Variants in SCAI observed in about 807,000 individuals in gnomAD.
SCAI encodes the protein protein SCAI.
SCAI carries 24 observed loss-of-function variants against 92.2 expected under a neutral mutation model. That is an observed-to-expected ratio of 0.26 (90% confidence interval 0.19 to 0.37). The LOEUF (loss-of-function observed/expected upper bound fraction) is 0.37, where lower values mean the gene tolerates loss of function less well. Ranked by LOEUF, SCAI falls within the 10% of genes least tolerant of loss-of-function variation. SCAI has a pLI of 1.00. For missense variants in SCAI, 450 were observed against 736.2 expected, an observed-to-expected ratio of 0.61 and a Z score of 4.50; for synonymous variants, 261 against 258.6, an observed-to-expected ratio of 1.01 and a Z score of -0.09.
chr9:125,093,564 C>T (rs1834486193), intron 2 of SCAI, among the ~76,000 whole-genome samples: 1 of 149,666 alleles, frequency 6.7e-6, no homozygotes, highest in South Asian at 2.1e-4. Flanking sequence ...CTGATGACAC[C>T]TCCTTTTTTT....
chr9:125,139,484 G>T (rs958053223), intron 2 of SCAI, among the ~76,000 whole-genome samples: 1 of 152,138 alleles, frequency 6.6e-6, no homozygotes, highest in African/African-American at 2.4e-5. Context: ...CATAAGTTCT[G>T]GGAATGGCAA....
At chr9:125,077,174 T>G (rs1327213055) in intron 2 of SCAI, among the ~76,000 whole-genome samples, 1 of 152,228 alleles carries the variant, frequency 6.6e-6, no homozygotes, top group Non-Finnish European at 1.5e-5. Flanking sequence ...CAATTCTGCT[T>G]TCCTACATTT....
At chr9:125,131,345 T>TTG (rs1835396968) in intron 2 of SCAI, among the ~76,000 whole-genome samples, 1 of 149,976 alleles carries the variant, frequency 6.7e-6, no homozygotes, top group Non-Finnish European at 1.5e-5. Context: ...GAGGCGGAGG[T>TTG]TGCAGTGAGC....
chr9:124,995,273 G>C (rs1386156549), intron 13 of SCAI, among the ~76,000 whole-genome samples: 2 of 151,856 alleles, frequency 1.3e-5, no homozygotes, highest in Non-Finnish European at 2.9e-5. Flanking sequence ...ATTTAAAGAT[G>C]ACTAAACACA....
At chr9:125,081,286 G>T (rs1301820847) in intron 2 of SCAI, among the ~76,000 whole-genome samples, 1 of 152,214 alleles carries the variant, frequency 6.6e-6, no homozygotes, top group Non-Finnish European at 1.5e-5. Flanking sequence ...GGAAAGTTTG[G>T]AACTCCATAG....
chr9:125,120,332 C>T (rs1214573413), intron 2 of SCAI, among the ~76,000 whole-genome samples: 1 of 152,156 alleles, frequency 6.6e-6, no homozygotes. Context: ...TGGAGTTTCT[C>T]CTCCCCATGA....
In SCAI at chr9:125,046,906, ATTGT is replaced by A. The variant is rs58716189; in HGVS notation, c.230+8966_230+8969del. ...ATAATAGAATATATTCATCTATTTTATTGTTTAATATTTTAGCATAGCATTTAAA... is the reference window on the plus strand; with the variant it reads ...ATAATAGAATATATTCATCTATTTTATTAATATTTTAGCATAGCATTTAAA... On this transcript the variant is annotated intron_variant, in intron 3 of 17. Coordinates refer to ENST00000336505, the MANE Select transcript of SCAI (RefSeq NM_001144877.3). Among the ~76,000 whole-genome samples, 470 of 152,020 alleles carry A rather than the reference ATTGT, an allele frequency of 3.1e-3. 4 individuals carry two copies. Among genetic ancestry groups the A allele is most frequent in the African/African-American group, 0.01 (435 of 41,496 alleles).
Position 125,084,163 on chromosome 9 carries a change from T to C in SCAI, c.99-28156A>G, listed in dbSNP as rs572310988. Among the ~76,000 whole-genome samples the C allele has an allele frequency of 8.9e-5, 7 of 78,598 alleles. No homozygotes were observed. In the South Asian group the frequency reaches 3.3e-3, roughly 37 times the overall value. The allele number at this position is 78,598 out of a possible 152,430, so 51.6% of individuals were successfully genotyped here. On this transcript the variant is annotated intron_variant, in intron 2 of 17. Transcript: ENST00000336505. Reference sequence around the variant, plus strand: ...AACAGGACTCTTGGCTGCTGCTTTTTTTTTTTTTTTTTTTTTTTTTTTTTT... The same window carrying C: ...AACAGGACTCTTGGCTGCTGCTTTTCTTTTTTTTTTTTTTTTTTTTTTTTT...
chr9:124,972,151 G>C (rs767401892), intron 15 of SCAI, among the ~76,000 whole-genome samples: 8 of 152,130 alleles, frequency 5.3e-5, no homozygotes, highest in Non-Finnish European at 8.8e-5. Flanking sequence ...TATCTTGATA[G>C]AATTCTCTGA....
At chr9:125,036,262 C>T (rs1027935054) in intron 3 of SCAI, among the ~76,000 whole-genome samples, 1 of 152,042 alleles carries the variant, frequency 6.6e-6, no homozygotes, top group African/African-American at 2.4e-5. Flanking sequence ...TTGAAAGAGG[C>T]CTGGCACAAA....
At chr9:125,058,563 A>T (rs1833715686) in intron 2 of SCAI, among the ~76,000 whole-genome samples, 1 of 152,206 alleles carries the variant, frequency 6.6e-6, no homozygotes, top group Non-Finnish European at 1.5e-5. Flanking sequence ...TTCTGAAGAC[A>T]TGGACATACA....
rs35807255 is a variant in SCAI, at chr9:125,140,690, C to CAAAA, written c.98+1939_98+1942dup. The stretch of plus-strand genomic sequence containing the variant: ...GCAACATGGCCAAACCTTGTCTCTA[C>CAAAA]AAAAAAAAAAAAAAAAAAAAGAGCT... On this transcript the variant is annotated intron_variant, in intron 2 of 17. Coordinates refer to ENST00000336505, the MANE Select transcript of SCAI (RefSeq NM_001144877.3). Among the ~76,000 whole-genome samples the CAAAA allele has an allele frequency of 1.2e-3, 94 of 76,192 alleles. 2 individuals are homozygous for CAAAA. The highest frequency in any genetic ancestry group is 1.6e-3 in the Non-Finnish European group (63 of 40,264). 50.0% of individuals were successfully genotyped at this position (76,192 alleles called of 152,430 possible).
intron 2 of SCAI, among the ~76,000 whole-genome samples, chr9:125,074,644 G>A (rs1834050835): frequency 6.6e-6 from 1 of 151,804 alleles, no homozygotes; most frequent in Non-Finnish European, 1.5e-5. Flanking sequence ...AGTTATGCTG[G>A]TTCCCAAATC....
At position 125,065,978 on chromosome 9, in the gene SCAI, C is replaced by CA. The variant is rs1160107586; in HGVS notation, c.99-9972dup. The CA allele has an allele frequency of 5.2e-6, 4 of 762,908 alleles. No individual in the cohort carries two copies. The African/African-American group carries it at 6.9e-5, about 13-fold the overall frequency. 47.3% of individuals were successfully genotyped at this position (762,908 alleles called of 1,614,324 possible). On this transcript the variant is annotated intron_variant, in intron 2 of 17. Coordinates refer to ENST00000336505, the MANE Select transcript of SCAI (RefSeq NM_001144877.3). ...AAGGATATGTATTTTAAAACTATAG[C>CA]AAAAATCATACTTTTCAGTGAAATG...
rs1290608662 is a variant in SCAI at position 125,019,088 on chromosome 9, T to C, written c.708+19A>G. The C allele has an allele frequency of 6.4e-7, 1 of 1,572,006 alleles. No individual in the cohort carries two copies. The highest frequency in any genetic ancestry group is 8.7e-7 in the Non-Finnish European group (1 of 1,150,814). On this transcript the variant is annotated intron_variant, in intron 8 of 17. Coordinates refer to ENST00000336505, the MANE Select transcript of SCAI (RefSeq NM_001144877.3). ...CATTTATTTATCAATAATTATGATTTTTCTTATCAAAAACTGACCTCAATG... is the reference window on the plus strand; with the variant it reads ...CATTTATTTATCAATAATTATGATTCTTCTTATCAAAAACTGACCTCAATG...
intron 2 of SCAI, among the ~76,000 whole-genome samples, chr9:125,118,504 C>T (rs118065233): frequency 0.011 from 1,481 of 135,164 alleles, 17 homozygotes; most frequent in Non-Finnish European, 0.018. Context: ...GAGACAGAGA[C>T]CCTGTCTCAA....
At chr9:125,122,922 A>T (rs1259050358) in intron 2 of SCAI, among the ~76,000 whole-genome samples, 2 of 152,198 alleles carry the variant, frequency 1.3e-5, no homozygotes. Context: ...TAAATAAATT[A>T]GTAAAATTTT....
intron 3 of SCAI, among the ~76,000 whole-genome samples, chr9:125,037,010 T>G (rs980024063): frequency 6.6e-6 from 1 of 152,130 alleles, no homozygotes; most frequent in African/African-American, 2.4e-5. Context: ...GGCTCACGCC[T>G]GTAATCCCAG....
chr9:125,014,047 TC>T (rs1303834392), intron 9 of SCAI, among the ~76,000 whole-genome samples: 3,668 of 151,954 alleles, frequency 0.024, 139 homozygotes, highest in African/African-American at 0.084. Flanking sequence ...ATAAGAGCTA[TC>T]TATGACAAAC....
Sources: gnomAD v4.1 joint callset for allele counts (sites outside exome capture counted in the v4.1 genomes callset) on GRCh38, gnomAD v4.1.1 for gene constraint, MANE v1.5 for transcripts, NCBI Gene and HGNC (gene_info 2026-07-23, HGNC 2026-07-21) for gene names.